NYAP2: variants seen among roughly 807,000 people sequenced by gnomAD.
NYAP2 encodes the protein neuronal tyrosine-phosphorylated phosphoinositide-3-kinase adapter 2.
A neutral mutation model predicts 50.4 loss-of-function variants in NYAP2; 23 were observed. The ratio of observed to expected loss-of-function variants is 0.46; its 90% CI spans 0.33 to 0.65. The LOEUF (loss-of-function observed/expected upper bound fraction) is 0.65. Among genes scored for constraint, NYAP2 ranks in the 30% least tolerant of loss-of-function variants. The pLI is 0.02. For missense variants in NYAP2, 885 were observed against 861.0 expected (o/e 1.03, Z -0.35); for synonymous variants, 394 against 365.2 (o/e 1.08, Z -0.90).
At chr2:225,402,388 TC>T (rs1694877401) in intron 2 of NYAP2, among the ~76,000 whole-genome samples, 1 of 152,044 alleles carries the variant, frequency 6.6e-6, no homozygotes, top group African/African-American at 2.4e-5. Flanking sequence ...ACTGACTACA[TC>T]TACTTTGCAA....
intron 6 of NYAP2, among the ~76,000 whole-genome samples, chr2:225,648,585 G>T (rs183470084): frequency 1.1e-4 from 17 of 152,022 alleles, no homozygotes; most frequent in Non-Finnish European, 2.2e-4. Context: ...AATTCCAACA[G>T]GACTAAATTT....
chr2:225,450,161 C>A (rs190269203), intron 3 of NYAP2, among the ~76,000 whole-genome samples: 1 of 152,222 alleles, frequency 6.6e-6, no homozygotes, highest in Non-Finnish European at 1.5e-5. Flanking sequence ...GCTGTATAAC[C>A]TACCTTTGTG....
At chr2:225,521,023 C>A (rs1326237400) in intron 4 of NYAP2, among the ~76,000 whole-genome samples, 1 of 145,024 alleles carries the variant, frequency 6.9e-6, no homozygotes, top group Non-Finnish European at 1.5e-5. Context: ...GTATTTTATT[C>A]TCTTTGAAGC....
At chr2:225,511,373 C>CACACACACACAG (rs376750469) in intron 3 of NYAP2, among the ~76,000 whole-genome samples, 7 of 117,834 alleles carry the variant, frequency 5.9e-5, no homozygotes, top group African/African-American at 2.3e-4. Context: ...CACACACACA[C>CACACACACACAG]AGAGAGAGAG....
intron 3 of NYAP2, among the ~76,000 whole-genome samples, chr2:225,460,364 T>C (rs567830981): frequency 3.3e-5 from 5 of 152,366 alleles, no homozygotes; most frequent in African/African-American, 1.2e-4. Context: ...TGTAATTTCT[T>C]CATTTGTCTT....
intron 3 of NYAP2, among the ~76,000 whole-genome samples, chr2:225,507,416 C>A (rs1690726424): frequency 6.6e-6 from 1 of 152,158 alleles, no homozygotes; most frequent in Non-Finnish European, 1.5e-5. Context: ...TTCAAGCAGA[C>A]AGCAAGACAA....
At chr2:225,666,842 CT>C in the NYAP2 span, among the ~76,000 whole-genome samples, 84 of 144,914 alleles carry the variant, frequency 5.8e-4, no homozygotes, top group Non-Finnish European at 9.1e-4. Flanking sequence ...ATTCCCCCCC[CT>C]CCATGCCCCC....
intron 4 of NYAP2, among the ~76,000 whole-genome samples, chr2:225,577,901 C>G (rs753122800): frequency 3.3e-5 from 5 of 151,534 alleles, no homozygotes; most frequent in Non-Finnish European, 7.4e-5. Flanking sequence ...ACTGAAGAGT[C>G]TATTCTCTAA....
At chr2:225,497,113 G>A (rs1319192555) in intron 3 of NYAP2, among the ~76,000 whole-genome samples, 1 of 152,096 alleles carries the variant, frequency 6.6e-6, no homozygotes, top group Non-Finnish European at 1.5e-5. Context: ...TTGACACAGG[G>A]CATTCGATTC....
chr2:225,626,771 C>A (rs1693216562), intron 5 of NYAP2, 146 bp from the exon 6 acceptor site: 2 of 645,114 alleles, frequency 3.1e-6, no homozygotes, highest in East Asian at 2.7e-5. Context: ...GTCTATGTTT[C>A]TGTTATATTT....
At chr2:225,444,275 G>T (rs1171425861) in intron 3 of NYAP2, among the ~76,000 whole-genome samples, 1 of 152,064 alleles carries the variant, frequency 6.6e-6, no homozygotes, top group Non-Finnish European at 1.5e-5. Flanking sequence ...CACCAACATG[G>T]CCAGAATCAA....
At chr2:225,553,798 A>G (rs988695161) in intron 4 of NYAP2, among the ~76,000 whole-genome samples, 6 of 152,108 alleles carry the variant, frequency 3.9e-5, no homozygotes. Context: ...GCATTTTGGG[A>G]GGCTGAGGCG....
At chr2:225,518,556 ATATATATATATATTAGCGTGTGCGCT>A (rs1690980967) in intron 4 of NYAP2, among the ~76,000 whole-genome samples, 1 of 82,392 alleles carries the variant, frequency 1.2e-5, no homozygotes, top group Non-Finnish European at 2.3e-5. Flanking sequence ...ATATATATAT[ATATATATATATATTAGCGTGTGCGCT>A]TATATATATA....
Position 225,456,325 on chromosome 2 carries a change from A to T in NYAP2, c.221+47224A>T, listed in dbSNP as rs940258004. Among the ~76,000 whole-genome samples the T allele has an allele frequency of 2.7e-4, 41 of 152,294 alleles. 1 individual carries two copies. Among genetic ancestry groups the T allele is most frequent in the Non-Finnish European group, 8.8e-5 (6 of 68,020 alleles). The stretch of plus-strand genomic sequence containing the variant: ...TCTTGGATTGATAGTTCAAGATCTG[A>T]TACTTGCCTTACTGACTTGTGTCCT... On this transcript the variant is annotated intron_variant, in intron 3 of 6. Coordinates refer to ENST00000636099, the Ensembl canonical transcript of NYAP2.
chr2:225,699,543 T>A, the NYAP2 span: 215 of 152,054 alleles, frequency 1.4e-3, 2 homozygotes, highest in African/African-American at 4.6e-3. Context: ...TAGACCAGTT[T>A]ACATATTTTA....
In NYAP2 at chr2:225,557,177, T is replaced by C. The variant is rs563574616; in HGVS notation, c.524-24764T>C. ...ATGCTTGTTTTCTCCATCTGTCTAC[T>C]TAATAGCCACCTATTAAAGATTTAC... On this transcript the variant is annotated intron_variant, in intron 4 of 6. Coordinates refer to ENST00000636099, the Ensembl canonical transcript of NYAP2. Among the ~76,000 whole-genome samples, 4 of 152,320 alleles carry C rather than the reference T, an allele frequency of 2.6e-5. No individual in the cohort carries two copies. In the East Asian group the frequency reaches 5.8e-4, roughly 22 times the overall value.
At chr2:225,591,174 T>G (rs1692495579) in intron 5 of NYAP2, among the ~76,000 whole-genome samples, 1 of 148,506 alleles carries the variant, frequency 6.7e-6, no homozygotes, top group East Asian at 1.9e-4. Flanking sequence ...CAGAGGACAC[T>G]CTCTAGTCAG....
intron 3 of NYAP2, among the ~76,000 whole-genome samples, chr2:225,491,865 C>A (rs762147146): frequency 1.3e-5 from 2 of 152,128 alleles, no homozygotes; most frequent in African/African-American, 4.8e-5. Flanking sequence ...GTGGTTTAAC[C>A]ATTTACTGTA....
intron 3 of NYAP2, among the ~76,000 whole-genome samples, chr2:225,459,193 C>A (rs938554057): frequency 5.3e-5 from 8 of 152,100 alleles, no homozygotes; most frequent in Non-Finnish European, 1.0e-4. Flanking sequence ...ATTATGTTTA[C>A]TTTTTAATAT....
Sources: allele counts gnomAD v4.1 joint callset (sites outside exome capture counted in the v4.1 genomes callset), GRCh38; gene constraint gnomAD v4.1.1; transcripts MANE v1.5; gene names NCBI Gene and HGNC (gene_info 2026-07-23, HGNC 2026-07-21).